DYNC1I1: variants seen among roughly 807,000 people sequenced by gnomAD.
DYNC1I1 encodes the protein cytoplasmic dynein 1 intermediate chain 1.
A neutral mutation model predicts 86.6 loss-of-function variants in DYNC1I1; 43 were observed. That is an observed-to-expected ratio of 0.50 (90% CI 0.39 to 0.64). The LOEUF is 0.64. Ranked by LOEUF, DYNC1I1 falls within the 30% of genes least tolerant of loss-of-function variation. The probability of loss-of-function intolerance (pLI) is 0.00; values close to 1 mark genes in which losing one functional copy is unlikely to be tolerated. For synonymous variants in DYNC1I1, 262 were observed against 283.7 expected, an observed-to-expected ratio of 0.92 and a Z score of 0.77; for missense variants, 604 against 788.8, an observed-to-expected ratio of 0.77 and a Z score of 2.81.
At chr7:96,046,733 C>T (rs1314145813) in intron 14 of DYNC1I1, among the ~76,000 whole-genome samples, 3 of 152,134 alleles carry the variant, frequency 2.0e-5, no homozygotes, top group East Asian at 3.9e-4. Flanking sequence ...CAACCAGATG[C>T]AGTGACCAGC....
At chr7:95,942,103 A>G (rs1408823843) in intron 6 of DYNC1I1, among the ~76,000 whole-genome samples, 4 of 152,222 alleles carry the variant, frequency 2.6e-5, no homozygotes, top group Non-Finnish European at 5.9e-5. Context: ...TGAAAGGATC[A>G]ACAAAATTGA....
chr7:96,006,199 T>G (rs1794137956), intron 10 of DYNC1I1, among the ~76,000 whole-genome samples: 2 of 152,212 alleles, frequency 1.3e-5, no homozygotes, highest in African/African-American at 4.8e-5. Flanking sequence ...GGAGATATAT[T>G]TTGTTGTTTC....
At chr7:96,026,028 C>A (rs1002018482) in intron 10 of DYNC1I1, among the ~76,000 whole-genome samples, 3 of 152,170 alleles carry the variant, frequency 2.0e-5, no homozygotes. Flanking sequence ...TCCAACGTAG[C>A]TCCAGCAACA....
Position 95,908,962 on chromosome 7 carries a change from C to T in DYNC1I1, c.490+38964C>T, listed in dbSNP as rs116472648. On this transcript the variant is annotated intron_variant, in intron 6 of 16. Transcript: ENST00000447467. ...TAGGGTTGATGGGAGGACTATGGGA[C>T]GGCAGTGGGGGGAAATTAGAGAGTT... Among the ~76,000 whole-genome samples the T allele has an allele frequency of 3.7e-3, 563 of 151,566 alleles. 7 individuals carry two copies. Among genetic ancestry groups the T allele is most frequent in the African/African-American group, 0.013 (523 of 41,338 alleles).
intron 5 of DYNC1I1, among the ~76,000 whole-genome samples, chr7:95,858,903 A>G (rs1789799295): frequency 6.9e-6 from 1 of 145,542 alleles, no homozygotes; most frequent in Non-Finnish European, 1.5e-5. Context: ...TTTTATATTT[A>G]TTATTTTAAT....
At chr7:95,903,800 C>A (rs1457247737) in intron 6 of DYNC1I1, among the ~76,000 whole-genome samples, 2 of 152,106 alleles carry the variant, frequency 1.3e-5, no homozygotes, top group African/African-American at 2.4e-5. Context: ...TGTGAGGGTA[C>A]AACCAATAAT....
At position 95,872,113 on chromosome 7, in the gene DYNC1I1, G is replaced by A. The variant is rs574703772; in HGVS notation, c.490+2115G>A. Among the ~76,000 whole-genome samples, 4 of 152,344 alleles carry A rather than the reference G, an allele frequency of 2.6e-5. No individual in the cohort carries two copies. In the South Asian group the frequency reaches 8.3e-4, roughly 32 times the overall value. On this transcript the variant is annotated intron_variant, in intron 6 of 16. Coordinates refer to ENST00000447467, the MANE Select transcript of DYNC1I1 (RefSeq NM_001135556.2). ...CACTTTCACCTGCTGTGGGGAGGTG[G>A]TTGGCAGGAGAGCTGCGTGGAGCAG...
At chr7:95,899,800 A>T (rs1790987314) in intron 6 of DYNC1I1, among the ~76,000 whole-genome samples, 1 of 152,166 alleles carries the variant, frequency 6.6e-6, no homozygotes, top group South Asian at 2.1e-4. Flanking sequence ...TTCTGATCTT[A>T]AAGTAAGTTT....
chr7:95,853,671 T>C (rs988298798), intron 5 of DYNC1I1, among the ~76,000 whole-genome samples: 2 of 152,178 alleles, frequency 1.3e-5, no homozygotes, highest in African/African-American at 4.8e-5. Context: ...GTCTGCTAGG[T>C]CTATTTGGTC....
At chr7:95,899,698 T>G (rs1037459561) in intron 6 of DYNC1I1, among the ~76,000 whole-genome samples, 9 of 152,142 alleles carry the variant, frequency 5.9e-5, no homozygotes, top group Admixed American at 2.0e-4. Context: ...ACATGTGGAG[T>G]GTGTTAGAAA....
chr7:95,891,521 T>A (rs1790738619), intron 6 of DYNC1I1, among the ~76,000 whole-genome samples: 1 of 152,184 alleles, frequency 6.6e-6, no homozygotes, highest in South Asian at 2.1e-4. Context: ...TTATGTTTAA[T>A]CAGGGGACAC....
At chr7:95,965,527 A>G (rs966922100) in intron 6 of DYNC1I1, among the ~76,000 whole-genome samples, 1 of 152,188 alleles carries the variant, frequency 6.6e-6, no homozygotes, top group Non-Finnish European at 1.5e-5. Flanking sequence ...GCCATTATCC[A>G]AGGAGAGTAA....
intron 6 of DYNC1I1, among the ~76,000 whole-genome samples, chr7:95,914,696 A>G (rs1001181647): frequency 6.6e-6 from 1 of 152,330 alleles, no homozygotes; most frequent in African/African-American, 2.4e-5. Context: ...CTGGTGTGCA[A>G]TTTGAGAATG....
At chr7:95,787,874 T>C (rs6979558) in intron 1 of DYNC1I1, among the ~76,000 whole-genome samples, 65,452 of 151,942 alleles carry the variant, frequency 0.43, 15,419 homozygotes, top group Middle Eastern at 0.7. Flanking sequence ...CTCAATGAGA[T>C]GAAATTTGGA....
At chr7:95,969,699 A>G (rs1260094537) in intron 6 of DYNC1I1, among the ~76,000 whole-genome samples, 1 of 152,068 alleles carries the variant, frequency 6.6e-6, no homozygotes, top group Non-Finnish European at 1.5e-5. Context: ...TTCCCCTCTC[A>G]TTTTGAATAT....
chr7:95,870,172 G>A (rs1448235287), intron 6 of DYNC1I1, among the ~76,000 whole-genome samples, 174 bp downstream of exon 6: 1 of 152,200 alleles, frequency 6.6e-6, no homozygotes, highest in African/African-American at 2.4e-5. Context: ...GGAACTCGGT[G>A]ATACTCTTCC....
chr7:96,002,558 G>A (rs773909893), intron 10 of DYNC1I1, among the ~76,000 whole-genome samples: 7 of 152,170 alleles, frequency 4.6e-5, no homozygotes, highest in Non-Finnish European at 1.0e-4. Context: ...CAGGCCCATA[G>A]TAAGTACCCA....
chr7:96,105,168 G>A lies in DYNC1I1; in HGVS notation c.1543-4811G>A, dbSNP rs1791197066. ...TAGAAATTTAGTTTTGTATATTGAT[G>A]TTATATTTTGCAACCTTGCTAAATA... On this transcript the variant is annotated intron_variant, in intron 16 of 16. Transcript: ENST00000537881. 2.0e-5 allele frequency among the ~76,000 whole-genome samples: 3 copies of A among 151,648 alleles called. No individual in the cohort carries two copies. In the South Asian group the frequency reaches 6.2e-4, roughly 32 times the overall value.
At position 95,936,313 on chromosome 7, in the gene DYNC1I1, A is replaced by G. The variant is rs1039049254; in HGVS notation, c.491-41199A>G. Reference sequence around the variant, plus strand: ...ATGTCAAAACGATAGCTGAGTTTTTAGTAATGAACCATTTCCCTGGACTTG... The same window carrying G: ...ATGTCAAAACGATAGCTGAGTTTTTGGTAATGAACCATTTCCCTGGACTTG... On this transcript the variant is annotated intron_variant, in intron 6 of 16. Transcript: ENST00000447467. 2.0e-5 allele frequency among the ~76,000 whole-genome samples: 3 copies of G among 152,028 alleles called. No homozygotes were observed. The East Asian group carries it at 5.8e-4, about 29-fold the overall frequency.
Sources: allele counts gnomAD v4.1 joint callset (sites outside exome capture counted in the v4.1 genomes callset), GRCh38; gene constraint gnomAD v4.1.1; transcripts MANE v1.5; gene names NCBI Gene and HGNC (gene_info 2026-07-23, HGNC 2026-07-21).